The following ERN1 variants were observed in gnomAD, a reference collection of about 807,000 sequenced individuals.
ERN1 encodes the protein endoplasmic reticulum to nucleus signaling 1.
A neutral mutation model predicts 113.1 loss-of-function variants in ERN1; 39 were observed. That is an observed-to-expected ratio of 0.34 (90% CI 0.27 to 0.45). The LOEUF is 0.45. Ranked by LOEUF, ERN1 falls within the 20% of genes least tolerant of loss-of-function variation. The pLI is 1.00. For missense variants in ERN1, 976 were observed against 1,274.8 expected, an observed-to-expected ratio of 0.77 and a Z score of 3.57; for synonymous variants, 507 against 515.9, an observed-to-expected ratio of 0.98 and a Z score of 0.23.
chr17:64,114,980 G>A (rs1914767130), intron 1 of ERN1, among the ~76,000 whole-genome samples: 1 of 152,048 alleles, frequency 6.6e-6, no homozygotes, highest in Admixed American at 6.6e-5. Context: ...ATTTGAGGGG[G>A]AGCCATTTCT....
intron 16 of ERN1, 95 bp downstream of exon 16, chr17:64,053,177 C>T (rs1912742005): frequency 1.8e-6 from 2 of 1,092,484 alleles, no homozygotes; most frequent in Non-Finnish European, 2.6e-6. Context: ...AGAGCTTGAA[C>T]AGAAGCAAGG....
chr17:64,064,410 C>T (rs1422684847), intron 9 of ERN1, among the ~76,000 whole-genome samples: 1 of 152,018 alleles, frequency 6.6e-6, no homozygotes, highest in Non-Finnish European at 1.5e-5. Context: ...GTGTAGAACT[C>T]CAAGAAGCTA....
rs941591683 is a variant in ERN1 at position 64,099,375 on chromosome 17, C to T, written c.55-1134G>A. On this transcript the variant is annotated intron_variant, in intron 1 of 21. Coordinates refer to ENST00000433197, the MANE Select transcript of ERN1 (RefSeq NM_001433.5). ...GCAGGTGTGTGCGCACATGTACACACGGACGCATATGCAGGTGACAGCTGG... is the reference window on the plus strand; with the variant it reads ...GCAGGTGTGTGCGCACATGTACACATGGACGCATATGCAGGTGACAGCTGG... 3.3e-5 allele frequency among the ~76,000 whole-genome samples: 5 copies of T among 151,906 alleles called. No homozygotes were observed. The South Asian group carries it at 8.3e-4, about 25-fold the overall frequency.
At chr17:64,084,229 T>C (rs1007905392) in intron 2 of ERN1, among the ~76,000 whole-genome samples, 1 of 152,150 alleles carries the variant, frequency 6.6e-6, no homozygotes, top group Non-Finnish European at 1.5e-5. Context: ...AGTACCACCA[T>C]TCTCCTAGAA....
At chr17:64,075,694 C>G (rs1177350723) in intron 4 of ERN1, among the ~76,000 whole-genome samples, 1 of 152,240 alleles carries the variant, frequency 6.6e-6, no homozygotes, top group Non-Finnish European at 1.5e-5. Context: ...CCCTCAAGGT[C>G]TCCTGTCCAG....
intron 15 of ERN1, 40 bp from the exon 16 acceptor site, chr17:64,053,411 T>A (rs1456024468): frequency 6.9e-7 from 1 of 1,443,382 alleles, no homozygotes; most frequent in African/African-American, 1.4e-5. Context: ...CACACAGTCC[T>A]CAGGACTTGG....
chr17:64,115,497 C>A (rs925434220), intron 1 of ERN1, among the ~76,000 whole-genome samples: 2 of 152,178 alleles, frequency 1.3e-5, no homozygotes, highest in African/African-American at 4.8e-5. Flanking sequence ...GGCCGAACTT[C>A]CCGAAAGCTG....
intron 4 of ERN1, among the ~76,000 whole-genome samples, chr17:64,078,656 G>C (rs149348073): frequency 1.3e-5 from 2 of 152,136 alleles, no homozygotes; most frequent in African/African-American, 4.8e-5. Flanking sequence ...GGGGGTAGGA[G>C]TCAATACTTT....
chr17:64,117,492 A>G (rs1191296504), intron 1 of ERN1, among the ~76,000 whole-genome samples: 1 of 152,180 alleles, frequency 6.6e-6, no homozygotes. Flanking sequence ...AATAGAAAGT[A>G]AAGAAAAATC....
At chr17:64,089,442 G>C (rs1420327160) in intron 2 of ERN1, among the ~76,000 whole-genome samples, 1 of 151,804 alleles carries the variant, frequency 6.6e-6, no homozygotes, top group African/African-American at 2.4e-5. Flanking sequence ...ATGTGCAAAG[G>C]AAATGCTCAC....
At chr17:64,046,828 C>G (rs982348359) in intron 19 of ERN1, among the ~76,000 whole-genome samples, 2 of 152,258 alleles carry the variant, frequency 1.3e-5, no homozygotes, top group Non-Finnish European at 2.9e-5. Flanking sequence ...AGCCTGCTTT[C>G]AGAGCCACGT....
chr17:64,120,700 T>C (rs1212548535), intron 1 of ERN1, among the ~76,000 whole-genome samples: 3 of 152,162 alleles, frequency 2.0e-5, no homozygotes, highest in Non-Finnish European at 4.4e-5. Flanking sequence ...ATCTCATTAC[T>C]GATAAGAAGA....
intron 4 of ERN1, among the ~76,000 whole-genome samples, chr17:64,077,774 C>T (rs1012119794): frequency 6.7e-6 from 1 of 149,320 alleles, no homozygotes; most frequent in African/African-American, 2.5e-5. Flanking sequence ...GAGATGGAGT[C>T]TCGCTCTGTT....
chr17:64,113,361 T>C (rs1407605235), intron 1 of ERN1, among the ~76,000 whole-genome samples: 2 of 152,238 alleles, frequency 1.3e-5, no homozygotes, highest in Non-Finnish European at 2.9e-5. Context: ...CACATTACTT[T>C]TGCTATCCTA....
chr17:64,081,112 G>A (rs1399390203), intron 2 of ERN1, among the ~76,000 whole-genome samples: 1 of 152,180 alleles, frequency 6.6e-6, no homozygotes, highest in African/African-American at 2.4e-5. Context: ...GATGCAGAAC[G>A]AAGAACCAGT....
rs1039943626 is a variant in ERN1 at position 64,068,304 on chromosome 17, G to C, written c.479-13C>G. On this transcript the variant is annotated splice_polypyrimidine_tract_variant and intron_variant, in intron 6 of 21. Transcript: ENST00000433197. ...GTGATGGTGTATTCTAAAGAACACA[G>C]ACCAGCCAGCCCATTACCACGGAGG... is the stretch of plus-strand genomic sequence containing the variant. The C allele has an allele frequency of 3.8e-6, 6 of 1,587,118 alleles. No individual in the cohort carries two copies. Among genetic ancestry groups the C allele is most frequent in the Non-Finnish European group, 5.2e-6 (6 of 1,159,738 alleles).
At chr17:64,072,701 C>T (rs1913458644) in intron 5 of ERN1, among the ~76,000 whole-genome samples, 1 of 152,238 alleles carries the variant, frequency 6.6e-6, no homozygotes, top group African/African-American at 2.4e-5. Flanking sequence ...GGCCATACCC[C>T]CTAATCTTGG....
At position 64,066,872 on chromosome 17, in the gene ERN1, C is replaced by G. The variant is rs1913246295; in HGVS notation, c.641G>C (p.Gly214Ala). 2 of 1,613,884 alleles carry G rather than the reference C, an allele frequency of 1.2e-6. No homozygotes were observed. Among genetic ancestry groups the G allele is most frequent in the Non-Finnish European group, 1.7e-6 (2 of 1,179,850 alleles). Reference protein sequence around the residue: ...GLVVTVDSESGDVLWIQNYAS... With the variant: ...GLVVTVDSESADVLWIQNYAS... ...GTAGTTTTGGATCCACAGGACGTCC[C>G]CAGATTCACTGTCCACAGTCACCAC... is the stretch of plus-strand genomic sequence containing the variant. The change falls in exon 8 of 22, where the codon GGG (glycine) becomes GCG (alanine). Residue 214 changes from glycine to alanine, a missense_variant. Coordinates refer to ENST00000433197, the MANE Select transcript of ERN1 (RefSeq NM_001433.5).
chr17:64,082,128 A>C (rs1913785747), intron 2 of ERN1, among the ~76,000 whole-genome samples: 2 of 152,222 alleles, frequency 1.3e-5, no homozygotes, highest in Non-Finnish European at 2.9e-5. Context: ...TTTAAGCCTT[A>C]TCATATGTTG....
Sources: gnomAD v4.1 joint callset for allele counts (sites outside exome capture counted in the v4.1 genomes callset) on GRCh38, gnomAD v4.1.1 for gene constraint, MANE v1.5 for transcripts, NCBI Gene and HGNC (gene_info 2026-07-23, HGNC 2026-07-21) for gene names.